Variants in NUP153 observed in about 807,000 individuals in gnomAD.
NUP153 encodes the protein nucleoporin 153, also known as nuclear pore complex protein Nup153.
A neutral mutation model predicts 134.6 loss-of-function variants in NUP153; 27 were observed. The observed-to-expected ratio is 0.20, with a 90% CI of 0.15 to 0.28. The LOEUF is 0.28. Among genes scored for constraint, NUP153 ranks in the 10% least tolerant of loss-of-function variants. The probability of loss-of-function intolerance (pLI) is 1.00; values close to 1 mark genes in which losing one functional copy is unlikely to be tolerated. For synonymous variants in NUP153, 640 were observed against 623.5 expected (o/e 1.03, Z -0.40); for missense variants, 1,821 against 1,731.3 (o/e 1.05, Z -0.92).
intron 14 of NUP153, among the ~76,000 whole-genome samples, chr6:17,645,296 T>C (rs1024285670): frequency 2.0e-5 from 3 of 150,830 alleles, no homozygotes; most frequent in African/African-American, 7.3e-5. Flanking sequence ...TATTCATTCA[T>C]TTCTTTCTTT....
Position 17,645,646 on chromosome 6 carries a change from A to C in NUP153, c.1720+421T>G, listed in dbSNP as rs114571095. ...TTCGGTTCAGAAATTATGTATCACA[A>C]TCTACATGGGCCTGCATAACCTTTA... On this transcript the variant is annotated intron_variant, in intron 14 of 21. Coordinates refer to ENST00000262077, the MANE Select transcript of NUP153 (RefSeq NM_005124.4). Among the ~76,000 whole-genome samples the C allele has an allele frequency of 8.5e-5, 13 of 152,134 alleles. No homozygotes were observed. The South Asian group carries it at 1.5e-3, about 17-fold the overall frequency.
chr6:17,649,148 A>G lies in NUP153; in HGVS notation c.1533+15T>C, dbSNP rs1000671718. The G allele has an allele frequency of 3.1e-6, 5 of 1,598,018 alleles. No individual in the cohort carries two copies. The highest frequency in any genetic ancestry group is 3.4e-6 in the Non-Finnish European group (4 of 1,174,014). ...AAGAACAAATGTCACCTGTATTTAT[A>G]TAATGGTTTTGTACCTTGTTTGTTA... On this transcript the variant is annotated intron_variant, in intron 12 of 21. Transcript: ENST00000262077.
At chr6:17,658,429 C>A (rs1766969603) in intron 11 of NUP153, among the ~76,000 whole-genome samples, 1 of 151,910 alleles carries the variant, frequency 6.6e-6, no homozygotes, top group African/African-American at 2.4e-5. Flanking sequence ...ACAAAACACC[C>A]AAAGAAGCAC....
intron 11 of NUP153, among the ~76,000 whole-genome samples, chr6:17,651,097 G>A (rs1335276327): frequency 2.6e-5 from 4 of 152,074 alleles, no homozygotes; most frequent in Admixed American, 6.6e-5. Flanking sequence ...CCAAGAGTTC[G>A]AGACCAGTCT....
chr6:17,642,343 C>T (rs1254630854), intron 14 of NUP153, among the ~76,000 whole-genome samples: 2 of 151,630 alleles, frequency 1.3e-5, no homozygotes, highest in Admixed American at 1.3e-4. Context: ...GGTCTAGTGT[C>T]CAGACTAAGA....
In NUP153 at chr6:17,637,755, T is replaced by G; in HGVS notation, c.1862A>C (p.Lys621Thr). Residue 621 changes from lysine (K) to threonine (T), a missense_variant, in exon 16 of 22, where the codon AAG becomes ACG. By Grantham distance (78) the Lys-to-Thr change is moderately conservative (BLOSUM62 -1). Transcript: ENST00000262077. ...ILKSPGFASP[K>T]IDSVAAQPTA... ...GGGCTGAGCAGCAACAGAATCTATCTTCGGCGATGCGAAACCTACAATGAA... is the reference window on the plus strand; with the variant it reads ...GGGCTGAGCAGCAACAGAATCTATCGTCGGCGATGCGAAACCTACAATGAA... 6.3e-7 allele frequency: 1 copy of G among 1,599,336 alleles called. No homozygotes were observed. Among genetic ancestry groups the G allele is most frequent in the Non-Finnish European group, 8.5e-7 (1 of 1,177,780 alleles).
At chr6:17,701,901 A>C (rs1400525764) in intron 1 of NUP153, among the ~76,000 whole-genome samples, 2 of 149,782 alleles carry the variant, frequency 1.3e-5, no homozygotes, top group African/African-American at 4.9e-5. Context: ...GGAGGATTAA[A>C]GGCGGAGTCC....
intron 20 of NUP153, among the ~76,000 whole-genome samples, chr6:17,620,400 ACT>A (rs1384996196): frequency 2.6e-5 from 4 of 152,190 alleles, no homozygotes; most frequent in African/African-American, 9.7e-5. Context: ...GGAAAAGGAT[ACT>A]CTCTTCAGTA....
Position 17,637,546 on chromosome 6 carries a change from T to A in NUP153, c.2071A>T (p.Thr691Ser). 6.2e-7 allele frequency: 1 copy of A among 1,614,240 alleles called. No homozygotes were observed. The highest frequency in any genetic ancestry group is 8.5e-7 in the Non-Finnish European group (1 of 1,180,032). ...GTTTCAATTCCAGTCTGTTTAGCAGTATCTCTGGGTGACAATTTTGCTGCT... is the reference window on the plus strand; with the variant it reads ...GTTTCAATTCCAGTCTGTTTAGCAGAATCTCTGGGTGACAATTTTGCTGCT... Reference protein sequence around the residue: ...CQAAKLSPRDTAKQTGIETPN... With the variant: ...CQAAKLSPRDSAKQTGIETPN... The change falls in exon 16 of 22, where the codon ACT (threonine) becomes TCT (serine). Residue 691 changes from threonine (T) to serine (S), a missense_variant. Coordinates refer to ENST00000262077, the MANE Select transcript of NUP153 (RefSeq NM_005124.4).
rs542108164 is a variant in NUP153 at position 17,655,879 on chromosome 6, T to C, written c.1395+5774A>G. ...ACTGCATTCAAAACAACTATATAAT[T>C]GTGTATCCAAACCTATTCTATACAG... On this transcript the variant is annotated intron_variant, in intron 11 of 21. Coordinates refer to ENST00000262077, the MANE Select transcript of NUP153 (RefSeq NM_005124.4). 2.6e-5 allele frequency among the ~76,000 whole-genome samples: 4 copies of C among 152,338 alleles called. No homozygotes were observed. In the South Asian group the frequency reaches 6.2e-4, roughly 24 times the overall value.
In NUP153 at chr6:17,637,178, A is replaced by G; in HGVS notation, c.2439T>C (p.Cys813=). ...CVSNNAEDNK[C]VSCMSEKPGS... ...CTGGTTTCTCAGACATACAGGACAC[A>G]CACTTATTGTCTTCTGCATTATTAG... Residue 813 remains cysteine (C), a synonymous_variant, in exon 16 of 22, where the codon TGT becomes TGC. Transcript: ENST00000262077. 6.2e-7 allele frequency: 1 copy of G among 1,612,278 alleles called. No homozygotes were observed. Among genetic ancestry groups the G allele is most frequent in the Middle Eastern group, 1.7e-4 (1 of 6,058 alleles).
intron 17 of NUP153, among the ~76,000 whole-genome samples, chr6:17,630,670 AAAG>A (rs764753488): frequency 8.5e-4 from 128 of 150,276 alleles, no homozygotes; most frequent in South Asian, 1.5e-3. Flanking sequence ...CAAAATAAAT[AAAG>A]AAAAGAAAAC....
intron 8 of NUP153, 37 bp downstream of exon 8, chr6:17,668,938 A>G: frequency 2.9e-6 from 4 of 1,389,844 alleles, no homozygotes; most frequent in Non-Finnish European, 4.0e-6. Flanking sequence ...ACAAAATTGT[A>G]GACAGTTTAA....
At chr6:17,683,284 ATTTAC>A (rs1193886555) in intron 2 of NUP153, among the ~76,000 whole-genome samples, 12 of 152,214 alleles carry the variant, frequency 7.9e-5, no homozygotes, top group Admixed American at 7.9e-4. Flanking sequence ...AAGGTTTACA[ATTTAC>A]TTTACCCAGA....
intron 20 of NUP153, among the ~76,000 whole-genome samples, chr6:17,620,083 G>A (rs1452273387): frequency 1.0e-5 from 1 of 99,234 alleles, no homozygotes; most frequent in Non-Finnish European, 1.8e-5. Context: ...GGGCAACAGA[G>A]CAAGACACCA....
intron 8 of NUP153, 22 bp downstream of exon 8, chr6:17,668,953 C>T: frequency 6.6e-7 from 1 of 1,510,376 alleles, no homozygotes; most frequent in Non-Finnish European, 9.0e-7. Context: ...GTTTAAATAA[C>T]TAAATGCTAA....
chr6:17,656,145 C>T (rs1766808079), intron 11 of NUP153, among the ~76,000 whole-genome samples: 1 of 143,832 alleles, frequency 7.0e-6, no homozygotes, highest in South Asian at 2.1e-4. Flanking sequence ...GTGGAGGTTG[C>T]AGTGAGCCAA....
chr6:17,649,726 T>A (rs1766406750), intron 11 of NUP153, among the ~76,000 whole-genome samples: 2 of 152,260 alleles, frequency 1.3e-5, no homozygotes, highest in South Asian at 4.1e-4. Flanking sequence ...ATATAACCTT[T>A]ATTACATTAT....
intron 1 of NUP153, among the ~76,000 whole-genome samples, chr6:17,692,097 T>C (rs1274626754): frequency 2.6e-5 from 4 of 152,234 alleles, no homozygotes; most frequent in Non-Finnish European, 4.4e-5. Flanking sequence ...CAACTTTAAA[T>C]TGGCTCCACC....
Sources: allele counts gnomAD v4.1 joint callset (sites outside exome capture counted in the v4.1 genomes callset), GRCh38; gene constraint gnomAD v4.1.1; transcripts MANE v1.5; gene names NCBI Gene and HGNC (gene_info 2026-07-23, HGNC 2026-07-21).